PCDHGA8: variants seen among roughly 807,000 people sequenced by gnomAD.
The protein encoded by PCDHGA8 is protocadherin gamma-A8.
In PCDHGA8, 45 loss-of-function variants were observed where a neutral mutation model predicts 59.2. The observed-to-expected ratio is 0.76, with a 90% CI of 0.60 to 0.98. The LOEUF is 0.98. Ranked by LOEUF, PCDHGA8 falls within the 50% of genes least tolerant of loss-of-function variation. The pLI, the probability that PCDHGA8 is intolerant of heterozygous loss-of-function variation, is 0.00. For missense variants in PCDHGA8, 1,257 were observed against 1,196.2 expected (o/e 1.05, Z -0.75); for synonymous variants, 531 against 519.0 (o/e 1.02, Z -0.32).
At chr5:141,502,925 C>T (rs962871271) in intron 2 of PCDHGA8, among the ~76,000 whole-genome samples, 5 of 145,518 alleles carry the variant, frequency 3.4e-5, no homozygotes, top group Non-Finnish European at 5.9e-5. Flanking sequence ...GCAGTGGCAA[C>T]CTTCACCTCC....
chr5:141,490,605 C>A lies in PCDHGA8; in HGVS notation c.2425-4202C>A. On this transcript the variant is annotated intron_variant, in intron 1 of 3. Transcript: ENST00000398604. The surrounding 1 kb of genome is among the most constrained non-coding windows in gnomAD (Gnocchi z 5.4). ...TCAATGACAATGCACCCCGCTTCAA[C>A]CAGCAGCTTTACACTGCTTACATCC... 6.2e-6 allele frequency: 10 copies of A among 1,614,198 alleles called. No individual in the cohort carries two copies. The highest frequency in any genetic ancestry group is 8.5e-6 in the Non-Finnish European group (10 of 1,180,030).
Position 141,486,494 on chromosome 5 carries a change from A to G in PCDHGA8, c.2425-8313A>G, listed in dbSNP as rs375607204. 9.3e-6 allele frequency: 15 copies of G among 1,614,058 alleles called. No individual in the cohort carries two copies. The highest frequency in any genetic ancestry group is 1.3e-5 in the Non-Finnish European group (15 of 1,179,958). ...CCCTCCTCTCAGTACCCACAGAACT[A>G]TTTTCCTCAATATTTCAGATGTGAA... On this transcript the variant is annotated intron_variant, in intron 1 of 3. Transcript: ENST00000398604. The surrounding 1 kb of genome is among the most constrained non-coding windows in gnomAD (Gnocchi z 5.0).
At chr5:141,416,657 A>C (rs1194195210) in intron 1 of PCDHGA8, 6 of 152,232 alleles carry the variant, frequency 3.9e-5, no homozygotes, top group Non-Finnish European at 7.3e-5. Context: ...TGTAAAAAAG[A>C]AAAGAATATA....
intron 1 of PCDHGA8, chr5:141,409,838 G>T: frequency 6.2e-7 from 1 of 1,611,532 alleles, no homozygotes; most frequent in Non-Finnish European, 8.5e-7. Context: ...CAGCGCCAAC[G>T]TGAGCCTGCG....
At chr5:141,481,638 T>G (rs1465682432) in intron 1 of PCDHGA8, among the ~76,000 whole-genome samples, 1 of 152,014 alleles carries the variant, frequency 6.6e-6, no homozygotes, top group Admixed American at 6.6e-5. Context: ...GCCAACATGG[T>G]GAAACTTCAT....
intron 1 of PCDHGA8, chr5:141,441,925 T>C (rs926242217): frequency 2.8e-6 from 1 of 353,614 alleles, no homozygotes; most frequent in Non-Finnish European, 5.4e-6. Flanking sequence ...ACACAATGCG[T>C]GGCTGTCCTA....
intron 1 of PCDHGA8, chr5:141,416,446 G>A (rs192789193): frequency 8.5e-5 from 13 of 152,284 alleles, no homozygotes; most frequent in East Asian, 5.8e-4. Context: ...GTAAATATGG[G>A]TTGGGAAGAC....
Position 141,476,708 on chromosome 5 carries a change from T to C in PCDHGA8, c.2425-18099T>C, listed in dbSNP as rs1205987380. The C allele has an allele frequency of 1.2e-6, 2 of 1,614,150 alleles. No homozygotes were observed. The highest frequency in any genetic ancestry group is 8.5e-7 in the Non-Finnish European group (1 of 1,180,024). ...CAGCACCAAGTACGCGGAGCTGGTG[T>C]TGGAGCGCGCCCTGGACCGAGAACG... On this transcript the variant is annotated intron_variant, in intron 1 of 3. Coordinates refer to ENST00000398604, the MANE Select transcript of PCDHGA8 (RefSeq NM_032088.2). The surrounding 1 kb of genome is among the most constrained non-coding windows in gnomAD (Gnocchi z 7.6).
chr5:141,426,085 C>T (rs1315114723), intron 1 of PCDHGA8, among the ~76,000 whole-genome samples: 7 of 152,148 alleles, frequency 4.6e-5, no homozygotes, highest in Non-Finnish European at 8.8e-5. Flanking sequence ...TCTACCAGGA[C>T]GATATTCTGT....
rs1481171398 is a variant in PCDHGA8 at position 141,455,879 on chromosome 5, ATTT to A, written c.2425-38927_2425-38925del. 3.8e-4 allele frequency among the ~76,000 whole-genome samples: 56 copies of A among 147,786 alleles called. No individual in the cohort carries two copies. In the East Asian group the frequency reaches 8.9e-3, roughly 23 times the overall value. On this transcript the variant is annotated intron_variant, in intron 1 of 3. Coordinates refer to ENST00000398604, the MANE Select transcript of PCDHGA8 (RefSeq NM_032088.2). ...TCTTTTATTATTTATTTATTTATTTATTTATTTATTTATTTATTTATTTATTTA... is the reference window on the plus strand; with the variant it reads ...TCTTTTATTATTTATTTATTTATTTAATTTATTTATTTATTTATTTATTTA...
intron 1 of PCDHGA8, among the ~76,000 whole-genome samples, chr5:141,483,889 CT>C (rs1298469461): frequency 6.6e-6 from 1 of 151,866 alleles, no homozygotes; most frequent in Admixed American, 6.6e-5. Flanking sequence ...TTCTATTTCT[CT>C]GAGCTCTGGT....
Position 141,453,292 on chromosome 5 carries a change from T to A in PCDHGA8, c.2425-41515T>A, listed in dbSNP as rs141563552. The stretch of plus-strand genomic sequence containing the variant: ...CCATGACTGGCTAATTTTTTAATTA[T>A]TTATTTATTTATTTATTTATTTTAG... On this transcript the variant is annotated intron_variant, in intron 1 of 3. Transcript: ENST00000398604. Among the ~76,000 whole-genome samples, 253 of 151,810 alleles carry A rather than the reference T, an allele frequency of 1.7e-3. 1 individual carries two copies. The highest frequency in any genetic ancestry group is 2.6e-3 in the Non-Finnish European group (178 of 67,938).
rs768354664 is a variant in PCDHGA8 at position 141,485,690 on chromosome 5, A to C, written c.2425-9117A>C. On this transcript the variant is annotated intron_variant, in intron 1 of 3. Coordinates refer to ENST00000398604, the MANE Select transcript of PCDHGA8 (RefSeq NM_032088.2). This position sits in a 1 kb window ranked among gnomAD's most constrained non-coding sequence, Gnocchi z 5.7. ...CAATTCGATTAGCAGCTATAGGCTG[A>C]GCTCCAATGAACACTTTGCACTGGA... 1.6e-5 allele frequency: 26 copies of C among 1,614,106 alleles called. No individual in the cohort carries two copies. In the South Asian group the frequency reaches 2.7e-4, roughly 17 times the overall value.
Position 141,393,578 on chromosome 5 carries a change from GC to G in PCDHGA8, c.770del (p.Pro257GlnfsTer8). 6.2e-7 allele frequency: 1 copy of G among 1,613,930 alleles called. No individual in the cohort carries two copies. On this transcript the variant is annotated frameshift_variant, in exon 1 of 4. Transcript: ENST00000398604. LOFTEE classifies it high-confidence loss of function. ...IYRVKVLENM[P>X]PGTRLLTVTA... ...ACCGAGTGAAAGTCCTTGAGAACAT[GC>G]CCCCAGGCACGCGGCTGCTTACTGT... is the stretch of plus-strand genomic sequence containing the variant.
At chr5:141,399,123 T>C (rs1221457638) in intron 1 of PCDHGA8, 12 of 1,613,828 alleles carry the variant, frequency 7.4e-6, no homozygotes, top group East Asian at 2.2e-5. Context: ...TTGAAATTAA[T>C]ATTCAAGATG....
At position 141,423,462 on chromosome 5, in the gene PCDHGA8, C is replaced by A. The variant is rs371118964; in HGVS notation, c.2424+28225C>A. ...CCACGTCACATTTTGTAGGCGTGGA[C>A]GGGGTACAGGCTTTCCTGCAAACCT... On this transcript the variant is annotated intron_variant, in intron 1 of 3. Transcript: ENST00000398604. 8.1e-6 allele frequency: 13 copies of A among 1,613,808 alleles called. No homozygotes were observed. The African/African-American group carries it at 1.7e-4, about 22-fold the overall frequency.
At position 141,486,714 on chromosome 5, in the gene PCDHGA8, CAG is replaced by C; in HGVS notation, c.2425-8092_2425-8091del. ...TCTTTCATCTCTCTGAACCCCCAGA[CAG>C]GAGCTGTTCATGCTACTCGATCCTT... On this transcript the variant is annotated intron_variant, in intron 1 of 3. Coordinates refer to ENST00000398604, the MANE Select transcript of PCDHGA8 (RefSeq NM_032088.2). This position sits in a 1 kb window ranked among gnomAD's most constrained non-coding sequence, Gnocchi z 5.0. 1 of 1,614,216 alleles carries C rather than the reference CAG, an allele frequency of 6.2e-7. No homozygotes were observed. Among genetic ancestry groups the C allele is most frequent in the Non-Finnish European group, 8.5e-7 (1 of 1,180,034 alleles).
chr5:141,443,788 A>C (rs1468852602), intron 1 of PCDHGA8, among the ~76,000 whole-genome samples: 2 of 152,224 alleles, frequency 1.3e-5, no homozygotes, highest in African/African-American at 4.8e-5. Context: ...AGACAAAAAA[A>C]ATGAAAAGGA....
intron 1 of PCDHGA8, chr5:141,422,970 C>T (rs1348343583): frequency 1.2e-6 from 2 of 1,614,246 alleles, no homozygotes; most frequent in East Asian, 2.2e-5. Flanking sequence ...TGGCGCCCCG[C>T]TCTGCGGAAC....
Sources: allele counts gnomAD v4.1 joint callset (sites outside exome capture counted in the v4.1 genomes callset), GRCh38; gene constraint gnomAD v4.1.1; non-coding constraint Gnocchi (gnomAD v3.1); transcripts MANE v1.5; gene names NCBI Gene and HGNC (gene_info 2026-07-23, HGNC 2026-07-21).